APOBEC3F: variants seen among roughly 807,000 people sequenced by gnomAD.
APOBEC3F encodes the protein DNA dC->dU-editing enzyme APOBEC-3F.
Under a neutral mutation model 45.8 loss-of-function variants are expected in APOBEC3F, and 34 were observed. That is an observed-to-expected ratio of 0.74 (90% CI 0.57 to 0.99). The LOEUF (loss-of-function observed/expected upper bound fraction) is 0.99, where lower values mean the gene tolerates loss of function less well. Ranked by LOEUF, APOBEC3F falls within the 50% of genes least tolerant of loss-of-function variation. APOBEC3F has a pLI of 0.00. For missense variants in APOBEC3F, 459 were observed against 474.1 expected (o/e 0.97, Z 0.30); for synonymous variants, 192 against 174.4 (o/e 1.10, Z -0.80).
At chr22:39,046,481 C>G (rs143540299) in intron 4 of APOBEC3F, among the ~76,000 whole-genome samples, 21 of 152,216 alleles carry the variant, frequency 1.4e-4, no homozygotes, top group African/African-American at 4.6e-4. Flanking sequence ...CTGGGCCCCA[C>G]CCCATGGCTT....
intron 2 of APOBEC3F, among the ~76,000 whole-genome samples, chr22:39,044,727 G>A (rs1371300808): frequency 6.6e-6 from 1 of 152,104 alleles, no homozygotes; most frequent in Non-Finnish European, 1.5e-5. Flanking sequence ...CCTCTTCTAG[G>A]TGCCACCTCT....
At chr22:39,052,046 C>T (rs757972893) in intron 5 of APOBEC3F, 28 bp from the exon 6 acceptor site, 3 of 1,610,328 alleles carry the variant, frequency 1.9e-6, no homozygotes, top group African/African-American at 1.3e-5. Flanking sequence ...GTCTGAGCTC[C>T]CCTGCCCTCC....
At chr22:39,046,662 G>C (rs999251118) in intron 4 of APOBEC3F, among the ~76,000 whole-genome samples, 7 of 151,374 alleles carry the variant, frequency 4.6e-5, no homozygotes, top group Admixed American at 4.6e-4. Flanking sequence ...CTGTCGCCCA[G>C]GCTGGAGTGC....
chr22:39,051,368 T>C (rs1765934493), intron 5 of APOBEC3F, among the ~76,000 whole-genome samples: 1 of 148,162 alleles, frequency 6.7e-6, no homozygotes, highest in African/African-American at 2.5e-5. Context: ...AAACCCCATC[T>C]CTACTAAAAA....
chr22:39,041,624 T>G (rs1279675916), intron 1 of APOBEC3F, among the ~76,000 whole-genome samples: 3 of 152,140 alleles, frequency 2.0e-5, no homozygotes, highest in African/African-American at 7.2e-5. Flanking sequence ...AGCACTTTGG[T>G]AGGCTGAGGT....
intron 4 of APOBEC3F, among the ~76,000 whole-genome samples, chr22:39,048,909 C>T (rs1279100505): frequency 2.0e-5 from 3 of 152,030 alleles, no homozygotes; most frequent in African/African-American, 4.8e-5. Flanking sequence ...CACTTCAACC[C>T]GGGAGGTGCA....
chr22:39,044,678 A>G (rs550991775), intron 2 of APOBEC3F, among the ~76,000 whole-genome samples: 1 of 152,336 alleles, frequency 6.6e-6, no homozygotes, highest in Non-Finnish European at 1.5e-5. Flanking sequence ...TAAACACGCC[A>G]GTAGCACCCA....
At chr22:39,051,529 T>A (rs1352326102) in intron 5 of APOBEC3F, among the ~76,000 whole-genome samples, 2 of 117,668 alleles carry the variant, frequency 1.7e-5, no homozygotes. Context: ...AGAGCGAGAC[T>A]CAGTATCAAA....
rs1927672009 is a variant in APOBEC3F, at chr22:39,055,876, G to A, written c.*3181G>A. Among the ~76,000 whole-genome samples, 2 of 152,090 alleles carry A rather than the reference G, an allele frequency of 1.3e-5. No homozygotes were observed. The highest frequency in any genetic ancestry group is 2.9e-5 in the Non-Finnish European group (2 of 68,032). On this transcript the variant is annotated 3_prime_UTR_variant, in exon 7 of 7. Transcript: ENST00000308521. ...TCACGTGGACCCCTTAGAATTGTAAGCCCTTAAAAGGGCCAGGGACTTCTT... is the reference window on the plus strand; with the variant it reads ...TCACGTGGACCCCTTAGAATTGTAAACCCTTAAAAGGGCCAGGGACTTCTT...
intron 4 of APOBEC3F, among the ~76,000 whole-genome samples, chr22:39,046,295 C>T (rs1338047887): frequency 6.6e-6 from 1 of 152,172 alleles, no homozygotes; most frequent in East Asian, 1.9e-4. Context: ...TACAGTTATC[C>T]TGTGAGGAGG....
At chr22:39,041,592 G>A (rs1352571778) in intron 1 of APOBEC3F, among the ~76,000 whole-genome samples, 3 of 151,998 alleles carry the variant, frequency 2.0e-5, no homozygotes, top group East Asian at 1.9e-4. Context: ...GGCCGGGTGC[G>A]GTGGCTCACA....
Position 39,052,272 on chromosome 22 carries a change from T to C in APOBEC3F, c.922T>C (p.Tyr308His), listed in dbSNP as rs1927527286. 1.2e-6 allele frequency: 2 copies of C among 1,614,064 alleles called. No individual in the cohort carries two copies. The highest frequency in any genetic ancestry group is 1.6e-4 in the Middle Eastern group (1 of 6,082). Reference sequence around the variant, plus strand: ...CACCATCTTCACCGCCCGCCTCTACTACTTCTGGGATACAGATTACCAGGA... The same window carrying C: ...CACCATCTTCACCGCCCGCCTCTACCACTTCTGGGATACAGATTACCAGGA... Reference protein sequence around the residue: ...NLTIFTARLYYFWDTDYQEGL... With the variant: ...NLTIFTARLYHFWDTDYQEGL... Residue 308 changes from tyrosine to histidine, a missense_variant, in exon 6 of 7, where the codon TAC becomes CAC. Transcript: ENST00000308521.
chr22:39,045,542 G>T lies in APOBEC3F; in HGVS notation c.566G>T (p.Arg189Ile). 1 of 1,614,104 alleles carries T rather than the reference G, an allele frequency of 6.2e-7. No homozygotes were observed. Among genetic ancestry groups the T allele is most frequent in the Non-Finnish European group, 8.5e-7 (1 of 1,179,976 alleles). Reference sequence around the variant, plus strand: ...CACCGCACGCTAAAGGAGATTCTCAGGTGAGGGTCTCCCTCTGGCCTCATC... The same window carrying T: ...CACCGCACGCTAAAGGAGATTCTCATGTGAGGGTCTCCCTCTGGCCTCATC... ...FLHRTLKEILRNPMEAMYPHI... is the reference protein window; with the variant it reads ...FLHRTLKEILINPMEAMYPHI... Residue 189 changes from arginine (R) to isoleucine (I), a missense_variant and splice_region_variant, in exon 4 of 7, where the codon AGA becomes ATA. By Grantham distance (97) the Arg-to-Ile change is moderately conservative. Transcript: ENST00000308521.
Position 39,052,956 on chromosome 22 carries a change from T to G in APOBEC3F, c.*261T>G. 4 of 580,424 alleles carry G rather than the reference T, an allele frequency of 6.9e-6. No individual in the cohort carries two copies. Among genetic ancestry groups the G allele is most frequent in the Non-Finnish European group, 7.4e-6 (3 of 403,772 alleles). The allele number at this position is 580,424 out of a possible 1,614,324, so 36.0% of individuals were successfully genotyped here. ...TCCCTGAGCCTGCATGCCCCTAACC[T>G]GCCTTTTCCCATCTCCCCAGCATAA... On this transcript the variant is annotated 3_prime_UTR_variant, in exon 7 of 7. Coordinates refer to ENST00000308521, the MANE Select transcript of APOBEC3F (RefSeq NM_145298.6).
chr22:39,050,856 TGAG>T (rs1399713935), intron 5 of APOBEC3F, among the ~76,000 whole-genome samples: 5 of 152,214 alleles, frequency 3.3e-5, no homozygotes, highest in African/African-American at 1.2e-4. Context: ...CAGCAGGGGC[TGAG>T]GATGCCCGGT....
intron 4 of APOBEC3F, among the ~76,000 whole-genome samples, chr22:39,048,165 C>T (rs187549935): frequency 8.6e-4 from 131 of 152,262 alleles, no homozygotes; most frequent in African/African-American, 2.7e-3. Context: ...GAAGAGAGTC[C>T]GGTTCCCAAC....
In APOBEC3F at chr22:39,045,474, A is replaced by G. The variant is rs749515106; in HGVS notation, c.498A>G (p.Pro166=). 1.2e-6 allele frequency: 2 copies of G among 1,614,164 alleles called. No individual in the cohort carries two copies. Among genetic ancestry groups the G allele is most frequent in the Non-Finnish European group, 1.7e-6 (2 of 1,180,018 alleles). The change falls in exon 4 of 7, where the codon CCA becomes CCG. Residue 166 remains proline, a synonymous_variant. Transcript: ENST00000308521. ...WENFVYSEGQ[P]FMPWYKFDDN... is the part of the protein sequence containing the mutation. ...ACTTTGTGTACAGTGAAGGTCAGCC[A>G]TTCATGCCTTGGTACAAATTCGATG...
chr22:39,045,614 G>A, intron 4 of APOBEC3F, 72 bp downstream of exon 4: 1 of 1,605,336 alleles, frequency 6.2e-7, no homozygotes, highest in Non-Finnish European at 8.5e-7. Flanking sequence ...GCCTCCCCTG[G>A]CCAGGCCCTC....
intron 4 of APOBEC3F, 80 bp downstream of exon 4, chr22:39,045,622 C>T: frequency 6.2e-7 from 1 of 1,600,418 alleles, no homozygotes; most frequent in Non-Finnish European, 8.5e-7. Context: ...TGGCCAGGCC[C>T]TCCTGCCCTC....
Sources: gnomAD v4.1 joint callset for allele counts (sites outside exome capture counted in the v4.1 genomes callset) on GRCh38, gnomAD v4.1.1 for gene constraint, MANE v1.5 for transcripts, NCBI Gene and HGNC (gene_info 2026-07-23, HGNC 2026-07-21) for gene names.